The following PRDM16 variants were observed in gnomAD, a reference collection of about 807,000 sequenced individuals.
PRDM16 encodes histone-lysine N-methyltransferase PRDM16.
In PRDM16, 23 loss-of-function variants were observed where a neutral mutation model predicts 110.6. That is an observed-to-expected ratio of 0.21 (90% CI 0.15 to 0.29). The LOEUF is 0.29. PRDM16 is among the 10% of genes least tolerant of loss of function. The pLI is 1.00. For missense variants in PRDM16, 1,615 were observed against 1,794.3 expected, an observed-to-expected ratio of 0.90 and a Z score of 1.81; for synonymous variants, 799 against 781.8, an observed-to-expected ratio of 1.02 and a Z score of -0.37.
intron 1 of PRDM16, among the ~76,000 whole-genome samples, chr1:3,166,038 C>A (rs1643952304): frequency 6.6e-6 from 1 of 152,186 alleles, no homozygotes; most frequent in Non-Finnish European, 1.5e-5. Flanking sequence ...TGGGGCATGT[C>A]GGGGGCCTGG....
chr1:3,323,896 C>A (rs1222586763), intron 3 of PRDM16, among the ~76,000 whole-genome samples: 2 of 152,258 alleles, frequency 1.3e-5, no homozygotes, highest in African/African-American at 2.4e-5. Context: ...TCTGCACGGG[C>A]CTCATCTCCT....
chr1:3,216,132 C>T (rs1050862046), intron 2 of PRDM16, among the ~76,000 whole-genome samples: 5 of 152,048 alleles, frequency 3.3e-5, no homozygotes, highest in African/African-American at 7.2e-5. Context: ...TACTGTAATT[C>T]GGGCTGGCCG....
At chr1:3,220,730 T>C (rs891011407) in intron 2 of PRDM16, among the ~76,000 whole-genome samples, 1 of 152,188 alleles carries the variant, frequency 6.6e-6, no homozygotes, top group Non-Finnish European at 1.5e-5. Context: ...TGCAGGGGCC[T>C]GGCAAACAGG....
At chr1:3,183,507 C>G (rs569880074) in intron 1 of PRDM16, among the ~76,000 whole-genome samples, 1 of 152,328 alleles carries the variant, frequency 6.6e-6, no homozygotes, top group East Asian at 1.9e-4. Flanking sequence ...GCTCCCTCTC[C>G]CCCAGCAACA....
intron 15 of PRDM16, among the ~76,000 whole-genome samples, 168 bp from the exon 16 acceptor site, chr1:3,431,798 C>T (rs1420092921): frequency 6.6e-6 from 1 of 152,258 alleles, no homozygotes; most frequent in Non-Finnish European, 1.5e-5. Flanking sequence ...ATCCGTGTGC[C>T]TTCCCGTCCA....
intron 1 of PRDM16, among the ~76,000 whole-genome samples, chr1:3,111,226 C>A (rs894669128): frequency 2.6e-5 from 4 of 152,162 alleles, no homozygotes; most frequent in Non-Finnish European, 5.9e-5. Context: ...TGTGCCAAGG[C>A]CCCTGGGAGA....
At chr1:3,389,496 G>A (rs1643257206) in intron 4 of PRDM16, among the ~76,000 whole-genome samples, 1 of 152,144 alleles carries the variant, frequency 6.6e-6, no homozygotes, top group African/African-American at 2.4e-5. Flanking sequence ...CCCCCTCCTG[G>A]CCCCAGGGGA....
chr1:3,129,198 A>T (rs1643279653), intron 1 of PRDM16, among the ~76,000 whole-genome samples: 1 of 123,778 alleles, frequency 8.1e-6, no homozygotes, highest in African/African-American at 3.5e-5. Context: ...GGGTGTGTGG[A>T]TATGTGTACA....
At chr1:3,311,567 G>C (rs575438598) in intron 3 of PRDM16, among the ~76,000 whole-genome samples, 3 of 152,208 alleles carry the variant, frequency 2.0e-5, no homozygotes, top group African/African-American at 7.2e-5. Flanking sequence ...AGCGTGGTAC[G>C]ACTTTGCCAT....
At chr1:3,125,920 G>C (rs1643195485) in intron 1 of PRDM16, among the ~76,000 whole-genome samples, 1 of 152,200 alleles carries the variant, frequency 6.6e-6, no homozygotes. Flanking sequence ...CATAATGACA[G>C]GGGCATTAGA....
intron 1 of PRDM16, among the ~76,000 whole-genome samples, chr1:3,088,193 C>T (rs1043889090): frequency 5.3e-5 from 8 of 152,276 alleles, no homozygotes; most frequent in East Asian, 1.9e-4. Flanking sequence ...TGAGAAATCT[C>T]CTCACCGAGG....
rs926786960 is a variant in PRDM16, at chr1:3,386,065, C to T, written c.573+779C>T. ...CTCTATTTCAAGCTTGCGAGTGGCC[C>T]CTGGAGGCCCTTCTCACTCTCAAGC... On this transcript the variant is annotated intron_variant, in intron 4 of 16. Coordinates refer to ENST00000270722, the MANE Select transcript of PRDM16 (RefSeq NM_022114.4). Among the ~76,000 whole-genome samples, 18 of 152,310 alleles carry T rather than the reference C, an allele frequency of 1.2e-4. 1 individual carries two copies. Among genetic ancestry groups the T allele is most frequent in the Admixed American group, 1.0e-3 (16 of 15,304 alleles).
At chr1:3,342,721 G>A (rs370613082) in intron 3 of PRDM16, among the ~76,000 whole-genome samples, 9 of 152,192 alleles carry the variant, frequency 5.9e-5, no homozygotes, top group South Asian at 2.1e-4. Flanking sequence ...TTTGAACTCC[G>A]CATAAAGACA....
At chr1:3,429,983 G>A (rs1033919776) in intron 14 of PRDM16, among the ~76,000 whole-genome samples, 3 of 152,198 alleles carry the variant, frequency 2.0e-5, no homozygotes, top group Non-Finnish European at 2.9e-5. Context: ...GCCCCCGGGC[G>A]GAGTGAGGAC....
intron 1 of PRDM16, among the ~76,000 whole-genome samples, chr1:3,102,527 A>C (rs908354284): frequency 3.3e-5 from 5 of 152,210 alleles, no homozygotes; most frequent in Admixed American, 2.0e-4. Flanking sequence ...CGGCCTAGAC[A>C]GGACGGCTGG....
At chr1:3,166,836 C>G (rs1243828987) in intron 1 of PRDM16, among the ~76,000 whole-genome samples, 2 of 152,220 alleles carry the variant, frequency 1.3e-5, no homozygotes, top group Non-Finnish European at 2.9e-5. Flanking sequence ...ATGAAGCTCA[C>G]TGTGTCTGGC....
At chr1:3,252,799 G>A (rs543029302) in intron 3 of PRDM16, among the ~76,000 whole-genome samples, 3 of 152,224 alleles carry the variant, frequency 2.0e-5, no homozygotes, top group East Asian at 3.9e-4. Flanking sequence ...CAGCAGTGCC[G>A]AGCCTCCCCC....
intron 3 of PRDM16, among the ~76,000 whole-genome samples, chr1:3,344,195 G>C (rs778140207): frequency 2.0e-5 from 3 of 152,028 alleles, no homozygotes; most frequent in Non-Finnish European, 4.4e-5. Context: ...ACAATTAGTC[G>C]GTTGCGATGG....
rs370684082 is a variant in PRDM16, at chr1:3,081,056, G to T, written c.37+11760G>T. On this transcript the variant is annotated intron_variant, in intron 1 of 16. Transcript: ENST00000270722. This position sits in a 1 kb window ranked among gnomAD's most constrained non-coding sequence, Gnocchi z 4.6. ...CTCAGAGAATCGGGGGGCAGATAGC[G>T]TAGCCACGAGGGGCTCTCTGGTTTC... Among the ~76,000 whole-genome samples the T allele has an allele frequency of 1.3e-5, 2 of 152,142 alleles. No homozygotes were observed. Among genetic ancestry groups the T allele is most frequent in the African/African-American group, 4.8e-5 (2 of 41,420 alleles).
Sources: allele counts gnomAD v4.1 joint callset (sites outside exome capture counted in the v4.1 genomes callset), GRCh38; gene constraint gnomAD v4.1.1; non-coding constraint Gnocchi (gnomAD v3.1); transcripts MANE v1.5; gene names NCBI Gene and HGNC (gene_info 2026-07-23, HGNC 2026-07-21).